The following SGCD variants were observed in gnomAD, a reference collection of about 807,000 sequenced individuals.
SGCD encodes delta-sarcoglycan.
SGCD carries 18 observed loss-of-function variants against 36.6 expected under a neutral mutation model. The ratio of observed to expected loss-of-function variants is 0.49; its 90% CI spans 0.34 to 0.73. SGCD has a LOEUF of 0.73. Ranked by LOEUF, SGCD falls within the 30% of genes least tolerant of loss-of-function variation. SGCD has a pLI of 0.01. For synonymous variants in SGCD, 133 were observed against 130.6 expected, an observed-to-expected ratio of 1.02 and a Z score of -0.12; for missense variants, 387 against 346.7, an observed-to-expected ratio of 1.12 and a Z score of -0.92.
At chr5:156,461,058 T>C (rs1754464414) in intron 3 of SGCD, among the ~76,000 whole-genome samples, 2 of 152,198 alleles carry the variant, frequency 1.3e-5, no homozygotes, top group African/African-American at 4.8e-5. Flanking sequence ...CTTTAGAAGC[T>C]GCTCACACAA....
chr5:155,806,886 C>G, the SGCD span, among the ~76,000 whole-genome samples: 1 of 152,066 alleles, frequency 6.6e-6, no homozygotes, highest in Non-Finnish European at 1.5e-5. Context: ...GAACAGAAAA[C>G]AGTAATCTCA....
At chr5:156,389,607 C>G (rs1771456719) in intron 3 of SGCD, among the ~76,000 whole-genome samples, 1 of 152,132 alleles carries the variant, frequency 6.6e-6, no homozygotes, top group Non-Finnish European at 1.5e-5. Flanking sequence ...CAGAATGAAA[C>G]TGTCCCACTG....
chr5:155,901,331 G>T (rs1048239796), intron 1 of SGCD, among the ~76,000 whole-genome samples: 10 of 143,874 alleles, frequency 7.0e-5, no homozygotes, highest in African/African-American at 2.4e-4. Flanking sequence ...AAAAAAAAAA[G>T]TAACACATGA....
intron 3 of SGCD, among the ~76,000 whole-genome samples, chr5:156,313,489 G>A (rs1767442787): frequency 6.6e-6 from 1 of 152,054 alleles, no homozygotes; most frequent in Admixed American, 6.6e-5. Flanking sequence ...CTTAGTAAAT[G>A]TTGGCTGCTA....
At chr5:155,784,082 A>G in the SGCD span, among the ~76,000 whole-genome samples, 2,011 of 152,252 alleles carry the variant, frequency 0.013, 39 homozygotes, top group African/African-American at 0.045. Context: ...TTCTAGTCCA[A>G]TAAGAAGAAA....
At chr5:156,698,870 C>CACAG (rs1754422473) in intron 7 of SGCD, among the ~76,000 whole-genome samples, 1 of 150,968 alleles carries the variant, frequency 6.6e-6, no homozygotes, top group African/African-American at 2.5e-5. Context: ...CACACACACA[C>CACAG]ACACACACAC....
intron 1 of SGCD, among the ~76,000 whole-genome samples, chr5:155,939,985 C>G (rs1442921197): frequency 6.6e-6 from 1 of 151,958 alleles, no homozygotes; most frequent in East Asian, 2.0e-4. Context: ...AGGCACCCAT[C>G]ATCATGCCCG....
intron 1 of SGCD, among the ~76,000 whole-genome samples, chr5:155,896,175 T>C (rs1468461123): frequency 6.6e-6 from 1 of 152,216 alleles, no homozygotes; most frequent in Admixed American, 6.5e-5. Flanking sequence ...AGTCGATTGA[T>C]TCTGCAATAG....
chr5:156,290,156 C>T (rs1766719623), intron 3 of SGCD, among the ~76,000 whole-genome samples: 1 of 152,026 alleles, frequency 6.6e-6, no homozygotes, highest in African/African-American at 2.4e-5. Flanking sequence ...CTTTGATCTT[C>T]CCAACTACCC....
chr5:156,540,634 A>G (rs17053604), intron 4 of SGCD, among the ~76,000 whole-genome samples: 8,520 of 152,278 alleles, frequency 0.056, 702 homozygotes, highest in East Asian at 0.17. Flanking sequence ...TTTAACAAGT[A>G]TGTATTGATT....
At chr5:156,020,580 G>A (rs914740076) in intron 1 of SGCD, among the ~76,000 whole-genome samples, 4 of 151,970 alleles carry the variant, frequency 2.6e-5, no homozygotes, top group African/African-American at 9.7e-5. Context: ...GGAGAACTTT[G>A]GCAAGGGTTA....
chr5:155,865,565 T>C (rs950087964), upstream of SGCD, among the ~76,000 whole-genome samples: 1 of 152,318 alleles, frequency 6.6e-6, no homozygotes, highest in South Asian at 2.1e-4. Context: ...ATCTGAGATA[T>C]ATTCATTTTT....
At chr5:156,153,456 C>T (rs1335944029) in intron 3 of SGCD, among the ~76,000 whole-genome samples, 2 of 151,644 alleles carry the variant, frequency 1.3e-5, no homozygotes, top group African/African-American at 4.9e-5. Context: ...ACATCACTGG[C>T]ATTCTTTAAC....
chr5:156,282,689 G>C (rs1201846846), intron 3 of SGCD, among the ~76,000 whole-genome samples: 1 of 151,872 alleles, frequency 6.6e-6, no homozygotes, highest in Non-Finnish European at 1.5e-5. Flanking sequence ...GATTACTTAC[G>C]TGTGGTCTAT....
chr5:156,287,627 TTGTGTGTGTGTGTGTGTG>T (rs70982002), intron 3 of SGCD, among the ~76,000 whole-genome samples: 1 of 146,288 alleles, frequency 6.8e-6, no homozygotes, highest in Admixed American at 6.8e-5. Context: ...TTCCGTTTCT[TTGTGTGTGTGTGTGTGTG>T]TGTGTGTGTG....
At chr5:155,962,880 T>C (rs1004357246) in intron 1 of SGCD, among the ~76,000 whole-genome samples, 1 of 152,154 alleles carries the variant, frequency 6.6e-6, no homozygotes, top group Non-Finnish European at 1.5e-5. Context: ...TTCAAAGTAG[T>C]CGCCTTAGCA....
Position 156,439,654 on chromosome 5 carries a change from A to G in SGCD, c.193-68947A>G, listed in dbSNP as rs1480948281. Among the ~76,000 whole-genome samples the G allele has an allele frequency of 3.9e-5, 6 of 152,252 alleles. No individual in the cohort carries two copies. The South Asian group carries it at 1.2e-3, about 32-fold the overall frequency. On this transcript the variant is annotated intron_variant, in intron 3 of 8. Transcript: ENST00000337851. ...ATGAGAAGAGTAAGAAATTTTAACCATCAGAAAACAGTTCTTATCCTTTGG... is the reference window on the plus strand; with the variant it reads ...ATGAGAAGAGTAAGAAATTTTAACCGTCAGAAAACAGTTCTTATCCTTTGG...
chr5:156,601,585 G>A (rs577187874), intron 6 of SGCD, among the ~76,000 whole-genome samples: 2 of 152,156 alleles, frequency 1.3e-5, no homozygotes, highest in Non-Finnish European at 2.9e-5. Flanking sequence ...AATTCTTCTT[G>A]CTCACAATTG....
At chr5:155,889,958 A>T (rs902375197) in intron 1 of SGCD, among the ~76,000 whole-genome samples, 2 of 152,236 alleles carry the variant, frequency 1.3e-5, no homozygotes, top group Non-Finnish European at 2.9e-5. Flanking sequence ...GAAGGCAGTC[A>T]GCAGAGTGGG....
Sources: gnomAD v4.1 joint callset for allele counts (sites outside exome capture counted in the v4.1 genomes callset) on GRCh38, gnomAD v4.1.1 for gene constraint, MANE v1.5 for transcripts, NCBI Gene and HGNC (gene_info 2026-07-23, HGNC 2026-07-21) for gene names.